SP140: variants seen among roughly 807,000 people sequenced by gnomAD.
SP140 encodes nuclear body protein SP140.
In SP140, 81 loss-of-function variants were observed where a neutral mutation model predicts 125.0. The ratio of observed to expected loss-of-function variants is 0.65; its 90% confidence interval spans 0.54 to 0.78. SP140 has a LOEUF of 0.78. Among genes scored for constraint, SP140 ranks in the 30% least tolerant of loss-of-function variants. The probability of loss-of-function intolerance (pLI) is 0.00; values close to 1 mark genes in which losing one functional copy is unlikely to be tolerated. For synonymous variants in SP140, 312 were observed against 354.0 expected (o/e 0.88, Z 1.33); for missense variants, 858 against 1,037.0 (o/e 0.83, Z 2.37).
chr2:230,199,749 T>A (rs80289620), upstream of SP140, among the ~76,000 whole-genome samples: 2 of 152,138 alleles, frequency 1.3e-5, no homozygotes, highest in Admixed American at 1.3e-4. Flanking sequence ...AGAGAGTTTA[T>A]TTCCATTATC....
intron 7 of SP140, among the ~76,000 whole-genome samples, 161 bp downstream of exon 7, chr2:230,246,101 A>C (rs962185850): frequency 6.6e-6 from 1 of 152,106 alleles, no homozygotes; most frequent in South Asian, 2.1e-4. Flanking sequence ...ATCCATCTGT[A>C]TATTCATCTG....
chr2:230,194,356 T>C, the SP140 span, among the ~76,000 whole-genome samples: 33,995 of 151,616 alleles, frequency 0.22, 4,655 homozygotes, highest in East Asian at 0.57. Flanking sequence ...TCCGAGAACT[T>C]TGGGAGGCTA....
intron 3 of SP140, 116 bp from the exon 4 acceptor site, chr2:230,241,288 T>C: frequency 1.4e-6 from 1 of 704,384 alleles, no homozygotes; most frequent in South Asian, 1.5e-5. Context: ...CAAGGCTCTG[T>C]TGGACCTCGG....
chr2:230,237,376 T>A lies in SP140; in HGVS notation c.237+116T>A. On this transcript the variant is annotated intron_variant, in intron 2 of 26. Coordinates refer to ENST00000392045, the MANE Select transcript of SP140 (RefSeq NM_007237.5). This position sits in a 1 kb window ranked among gnomAD's most constrained non-coding sequence, Gnocchi z 5.4. Reference sequence around the variant, plus strand: ...GTGAGTGGGGACCTTCACCATTCTGTAGGTTAGGAGGTGACAGGAGAAGCA... The same window carrying A: ...GTGAGTGGGGACCTTCACCATTCTGAAGGTTAGGAGGTGACAGGAGAAGCA... 1 of 867,012 alleles carries A rather than the reference T, an allele frequency of 1.2e-6. No individual in the cohort carries two copies. Among genetic ancestry groups the A allele is most frequent in the Non-Finnish European group, 1.8e-6 (1 of 559,800 alleles). The allele number at this position is 867,012 out of a possible 1,614,324, so 53.7% of individuals were successfully genotyped here. A position where few individuals can be genotyped will look rare whatever the true frequency, so the allele number is the denominator to read the frequency against.
chr2:230,239,770 T>C (rs544244069), intron 3 of SP140, among the ~76,000 whole-genome samples: 23 of 152,334 alleles, frequency 1.5e-4, no homozygotes, highest in African/African-American at 5.1e-4. Flanking sequence ...TTAACTTTTG[T>C]CCCACGTTTT....
At chr2:230,268,704 C>T (rs890989531) in intron 12 of SP140, among the ~76,000 whole-genome samples, 1 of 152,062 alleles carries the variant, frequency 6.6e-6, no homozygotes, top group African/African-American at 2.4e-5. Context: ...GAACTAGGAG[C>T]TCAGTGAAAC....
At chr2:230,212,274 C>G in intron 1 of SP140, 1 of 1,135,186 alleles carries the variant, frequency 8.8e-7, no homozygotes, top group Non-Finnish European at 1.3e-6. Flanking sequence ...ACCATAGCCT[C>G]TTGGTTGGCA....
At chr2:230,221,572 A>G (rs1574827678), upstream of SP140, 1 of 930,168 alleles carries the variant, frequency 1.1e-6, no homozygotes, top group East Asian at 2.6e-5. Flanking sequence ...CAGCCAGGAA[A>G]AATTCAATGC....
At chr2:230,301,762 G>A (rs1049433170) in intron 22 of SP140, among the ~76,000 whole-genome samples, 2 of 152,152 alleles carry the variant, frequency 1.3e-5, no homozygotes, top group African/African-American at 4.8e-5. Context: ...CTAGCATGAT[G>A]AATAGAATAG....
intron 12 of SP140, among the ~76,000 whole-genome samples, chr2:230,258,393 T>C (rs2051612166): frequency 6.6e-6 from 1 of 152,174 alleles, no homozygotes; most frequent in Non-Finnish European, 1.5e-5. Flanking sequence ...TGTTGAAAGT[T>C]TTTAATTAGC....
intron 15 of SP140, among the ~76,000 whole-genome samples, chr2:230,276,732 A>G (rs1218480574): frequency 6.6e-6 from 1 of 152,230 alleles, no homozygotes; most frequent in African/African-American, 2.4e-5. Context: ...CCTTCTGGAA[A>G]GGATTCACCA....
At position 230,285,790 on chromosome 2, in the gene SP140, A is replaced by G. The variant is rs758303198; in HGVS notation, c.1603A>G (p.Lys535Glu). Residue 535 changes from lysine to glutamate, a missense_variant, in exon 17 of 27, where the codon AAG becomes GAG. By Grantham distance (56) the Lys-to-Glu change is moderately conservative. Transcript: ENST00000392045. The stretch of plus-strand genomic sequence containing the variant: ...CGACGGCCAGGTGGTCTCCAGTGAA[A>G]AGAAGGCGAACGTGAATCTGAAAGA... Reference protein sequence around the residue: ...KADGQVVSSEKKANVNLKDLS... With the variant: ...KADGQVVSSEEKANVNLKDLS... 6.2e-7 allele frequency: 1 copy of G among 1,613,942 alleles called. No individual in the cohort carries two copies. The highest frequency in any genetic ancestry group is 8.5e-7 in the Non-Finnish European group (1 of 1,179,830).
At chr2:230,269,269 C>G (rs1245413151) in intron 12 of SP140, among the ~76,000 whole-genome samples, 2 of 152,184 alleles carry the variant, frequency 1.3e-5, no homozygotes, top group African/African-American at 2.4e-5. Context: ...GTAGTATTTT[C>G]TGGAATGATA....
At chr2:230,309,844 A>C in intron 22 of SP140, 80 bp from the exon 23 acceptor site, 4 of 1,406,076 alleles carry the variant, frequency 2.8e-6, no homozygotes, top group Non-Finnish European at 4.0e-6. Context: ...ACACAAAGGC[A>C]GTGTGTTCTA....
the SP140 span, among the ~76,000 whole-genome samples, chr2:230,193,501 C>T: frequency 0.76 from 116,205 of 152,146 alleles, 44,496 homozygotes; most frequent in Admixed American, 0.83. Context: ...ATCAATCTTT[C>T]GTTTCAAGAG....
intron 12 of SP140, among the ~76,000 whole-genome samples, chr2:230,261,234 C>T (rs2149294901): frequency 6.6e-6 from 1 of 152,076 alleles, no homozygotes; most frequent in South Asian, 2.1e-4. Context: ...GGGTTGAGTT[C>T]TTGATTTGAT....
At chr2:230,261,250 G>T (rs1009858077) in intron 12 of SP140, among the ~76,000 whole-genome samples, 1 of 152,042 alleles carries the variant, frequency 6.6e-6, no homozygotes, top group Non-Finnish European at 1.5e-5. Flanking sequence ...TTGATTCTCT[G>T]CTTGGTCACT....
rs1202851194 is a variant in SP140 at position 230,269,564 on chromosome 2, G to A, written c.1273G>A (p.Glu425Lys). 6.2e-7 allele frequency: 1 copy of A among 1,607,898 alleles called. No individual in the cohort carries two copies. The highest frequency in any genetic ancestry group is 1.1e-5 in the South Asian group (1 of 90,532). The change falls in exon 13 of 27, where the codon GAA becomes AAA. Residue 425 changes from glutamate (E) to lysine (K), a missense_variant. Glu to Lys is a moderately conservative substitution (Grantham distance 56, BLOSUM62 1). This residue lies in a region of SP140 where 791 missense variants were observed against 869.5 expected (regional missense o/e 0.91). Transcript: ENST00000392045. ...SSELENHPMNEEGESEELASS... is the reference protein window; with the variant it reads ...SSELENHPMNKEGESEELASS... ...TGAACTAGAAAATCACCCAATGAAT[G>A]AAGAAGGAGAATCAGAAGAGCTTGC... is the stretch of plus-strand genomic sequence containing the variant.
At chr2:230,239,800 T>G (rs1054533197) in intron 3 of SP140, among the ~76,000 whole-genome samples, 3 of 152,178 alleles carry the variant, frequency 2.0e-5, no homozygotes, top group African/African-American at 7.2e-5. Flanking sequence ...GGTGGGTGAA[T>G]CCACAGATCC....
Sources: gnomAD v4.1 joint callset for allele counts (sites outside exome capture counted in the v4.1 genomes callset) on GRCh38, gnomAD v4.1.1 for gene constraint, gnomAD v4.1.1 regional missense constraint, Gnocchi (gnomAD v3.1) non-coding constraint, MANE v1.5 for transcripts, NCBI Gene and HGNC (gene_info 2026-07-23, HGNC 2026-07-21) for gene names.